The following MFSD2A variants were observed in gnomAD, a reference collection of about 807,000 sequenced individuals.
MFSD2A encodes the protein sodium-dependent lysophosphatidylcholine symporter 1.
Under a neutral mutation model 64.7 loss-of-function variants are expected in MFSD2A, and 27 were observed. The ratio of observed to expected loss-of-function variants is 0.42; its 90% CI spans 0.31 to 0.58. The LOEUF is 0.58. MFSD2A is among the 20% of genes least tolerant of loss of function. MFSD2A has a pLI of 0.18. For synonymous variants in MFSD2A, 258 were observed against 273.4 expected, an observed-to-expected ratio of 0.94 and a Z score of 0.55; for missense variants, 474 against 679.5, an observed-to-expected ratio of 0.70 and a Z score of 3.36.
rs1177715402 is a variant in MFSD2A, at chr1:39,963,683, C to CT, written c.354-1522dup. On this transcript the variant is annotated intron_variant, in intron 3 of 13. Transcript: ENST00000372811. The surrounding 1 kb of genome is among the most constrained non-coding windows in gnomAD (Gnocchi z 4.2). ...CAAACCTGTCGGTTCTCTAATATTTCTTTTTTGGGCAGTGCAGTTTTAACA... is the reference window on the plus strand; with the variant it reads ...CAAACCTGTCGGTTCTCTAATATTTCTTTTTTTGGGCAGTGCAGTTTTAACA... Among the ~76,000 whole-genome samples, 3 of 152,120 alleles carry CT rather than the reference C, an allele frequency of 2.0e-5. No homozygotes were observed. The highest frequency in any genetic ancestry group is 7.2e-5 in the African/African-American group (3 of 41,512).
Position 39,969,661 on chromosome 1 carries a change from C to A in MFSD2A, c.*93C>A. The A allele has an allele frequency of 8.0e-7, 1 of 1,245,622 alleles. No individual in the cohort carries two copies. The highest frequency in any genetic ancestry group is 1.5e-5 in the African/African-American group (1 of 65,616). The allele number at this position is 1,245,622 out of a possible 1,614,324, so 77.2% of individuals were successfully genotyped here. A position where few individuals can be genotyped will look rare whatever the true frequency, so the allele number is the denominator to read the frequency against. On this transcript the variant is annotated 3_prime_UTR_variant, in exon 14 of 14. Coordinates refer to ENST00000372811, the MANE Select transcript of MFSD2A (RefSeq NM_032793.5). ...TTGCTGAGCAGCTGGACTGCAGGTG[C>A]TAGGAAGGGAACTGAAGACTCAAGG...
At chr1:39,967,771 A>G (rs1645194942) in intron 10 of MFSD2A, 33 bp from the exon 11 acceptor site, 2 of 1,610,140 alleles carry the variant, frequency 1.2e-6, no homozygotes, top group African/African-American at 1.3e-5. Context: ...GGAACCTCCC[A>G]GCTGATTCAT....
chr1:39,958,611 A>G lies in MFSD2A; in HGVS notation c.229-90A>G. ...TCAGGGTCACAAGATCCTGGCTGAG[A>G]TAGGGAGGGAGCCTCTGCTTCTGCC... On this transcript the variant is annotated intron_variant, in intron 2 of 13. Coordinates refer to ENST00000372811, the MANE Select transcript of MFSD2A (RefSeq NM_032793.5). The surrounding 1 kb of genome is among the most constrained non-coding windows in gnomAD (Gnocchi z 4.7). 2 of 1,609,796 alleles carry G rather than the reference A, an allele frequency of 1.2e-6. No individual in the cohort carries two copies. Among genetic ancestry groups the G allele is most frequent in the Non-Finnish European group, 1.7e-6 (2 of 1,176,454 alleles).
In MFSD2A at chr1:39,965,590, C is replaced by A. The variant is rs112608399; in HGVS notation, c.556+41C>A. The A allele has an allele frequency of 3.0e-3, 4,808 of 1,591,464 alleles. 108 individuals carry two copies. In the African/African-American group the frequency reaches 0.055, roughly 18 times the overall value. The stretch of plus-strand genomic sequence containing the variant: ...CCACCTGACCCCACCCTCCAGGGAC[C>A]CTCCAGCCATACTTCTTCCCTTGCG... On this transcript the variant is annotated intron_variant, in intron 5 of 13. Coordinates refer to ENST00000372811, the MANE Select transcript of MFSD2A (RefSeq NM_032793.5). This position sits in a 1 kb window ranked among gnomAD's most constrained non-coding sequence, Gnocchi z 5.5.
chr1:39,968,902 CTTACCT>C lies in MFSD2A; in HGVS notation c.1529+161_1529+166del. ...CGCACCAGGCACTGTGTTAAGTGGT[CTTACCT>C]TTATTCAACAAATACATACTGGCTG... On this transcript the variant is annotated intron_variant, in intron 13 of 13. Coordinates refer to ENST00000372811, the MANE Select transcript of MFSD2A (RefSeq NM_032793.5). This position sits in a 1 kb window ranked among gnomAD's most constrained non-coding sequence, Gnocchi z 4.4. Among the ~76,000 whole-genome samples the C allele has an allele frequency of 6.6e-6, 1 of 152,182 alleles. No individual in the cohort carries two copies. The highest frequency in any genetic ancestry group is 1.5e-5 in the Non-Finnish European group (1 of 68,030).
chr1:39,966,594 C>T lies in MFSD2A; in HGVS notation c.715-7C>T. The T allele has an allele frequency of 6.2e-7, 1 of 1,608,992 alleles. No individual in the cohort carries two copies. Among genetic ancestry groups the T allele is most frequent in the African/African-American group, 1.3e-5 (1 of 74,938 alleles). On this transcript the variant is annotated splice_region_variant and splice_polypyrimidine_tract_variant and intron_variant, in intron 6 of 13. Transcript: ENST00000372811. ...CATCCTTGTATGTCGCCTTCACCTC[C>T]TTATAGCAAAAGGCATACCTGCTGG...
chr1:39,965,271 C>T lies in MFSD2A; in HGVS notation c.414C>T (p.Asp138=), dbSNP rs759742257. ...ACTTCCTCATCTGGTTCGTGCCCGA[C>T]TTCCCACACGGCCAGACCTATTGGT... The part of the protein sequence containing the change: ...IAYFLIWFVP[D]FPHGQTYWYL... The change falls in exon 4 of 14, where the codon GAC becomes GAT. Residue 138 remains aspartate, a synonymous_variant. Transcript: ENST00000372811. This position sits in a 1 kb window ranked among gnomAD's most constrained non-coding sequence, Gnocchi z 5.5. The T allele has an allele frequency of 1.2e-6, 2 of 1,614,174 alleles. No individual in the cohort carries two copies. The highest frequency in any genetic ancestry group is 4.5e-5 in the East Asian group (2 of 44,880).
intron 6 of MFSD2A, 148 bp downstream of exon 6, chr1:39,966,162 T>G (rs1453442865): frequency 8.3e-6 from 8 of 959,014 alleles, no homozygotes; most frequent in Middle Eastern, 3.2e-4. Context: ...ATATACCTAC[T>G]TTGCAGAAAA....
At chr1:39,966,508 T>C (rs1000494353) in intron 6 of MFSD2A, 93 bp from the exon 7 acceptor site, 1 of 1,006,330 alleles carries the variant, frequency 9.9e-7, no homozygotes, top group African/African-American at 1.6e-5. Flanking sequence ...GGGAGGGGAC[T>C]GGCCCAAGAT....
At position 39,958,669 on chromosome 1, in the gene MFSD2A, A is replaced by T. The variant is rs1291078799; in HGVS notation, c.229-32A>T. 6.2e-7 allele frequency: 1 copy of T among 1,614,098 alleles called. No homozygotes were observed. Among genetic ancestry groups the T allele is most frequent in the Non-Finnish European group, 8.5e-7 (1 of 1,180,008 alleles). ...GAGAGTTGAGGCGAGTAGAAGGATG[A>T]GGAAGTTGTCTTTTGCTTCTCCTCA... is the stretch of plus-strand genomic sequence containing the variant. On this transcript the variant is annotated intron_variant, in intron 2 of 13. Coordinates refer to ENST00000372811, the MANE Select transcript of MFSD2A (RefSeq NM_032793.5). The surrounding 1 kb of genome is among the most constrained non-coding windows in gnomAD (Gnocchi z 4.7).
At chr1:39,957,313 T>A in intron 2 of MFSD2A, 92 bp downstream of exon 2, 1 of 1,326,814 alleles carries the variant, frequency 7.5e-7, no homozygotes, top group Non-Finnish European at 1.0e-6. Flanking sequence ...TTTCCCCATC[T>A]GTGAAATGGG....
Position 39,965,779 on chromosome 1 carries a change from G to T in MFSD2A, c.557-78G>T. The stretch of plus-strand genomic sequence containing the variant: ...CCACCCTGCCTGGAGCTACCGCTGG[G>T]CTCCCACCCATTTGACCTTCCTCCC... On this transcript the variant is annotated intron_variant, in intron 5 of 13. Coordinates refer to ENST00000372811, the MANE Select transcript of MFSD2A (RefSeq NM_032793.5). The surrounding 1 kb of genome is among the most constrained non-coding windows in gnomAD (Gnocchi z 5.5). 1 of 1,576,904 alleles carries T rather than the reference G, an allele frequency of 6.3e-7. No individual in the cohort carries two copies. Among genetic ancestry groups the T allele is most frequent in the Non-Finnish European group, 8.7e-7 (1 of 1,154,972 alleles).
chr1:39,965,808 GCC>G lies in MFSD2A; in HGVS notation c.557-47_557-46del. The stretch of plus-strand genomic sequence containing the variant: ...CCACCCATTTGACCTTCCTCCCTGG[GCC>G]CACAATCCATGAGGCCCCTCCAAAA... On this transcript the variant is annotated intron_variant, in intron 5 of 13. Transcript: ENST00000372811. This position sits in a 1 kb window ranked among gnomAD's most constrained non-coding sequence, Gnocchi z 5.5. 6.2e-7 allele frequency: 1 copy of G among 1,606,676 alleles called. No individual in the cohort carries two copies. Among genetic ancestry groups the G allele is most frequent in the South Asian group, 1.1e-5 (1 of 90,574 alleles).
In MFSD2A at chr1:39,968,765, G is replaced by A. The variant is rs1553156082; in HGVS notation, c.1529+20G>A. ...ACTGAGGTGAGTGGGGAGGGGACAG[G>A]ATGCTGGAGGAGGGGACGTCACTGT... is the stretch of plus-strand genomic sequence containing the variant. On this transcript the variant is annotated intron_variant, in intron 13 of 13. Coordinates refer to ENST00000372811, the MANE Select transcript of MFSD2A (RefSeq NM_032793.5). The surrounding 1 kb of genome is among the most constrained non-coding windows in gnomAD (Gnocchi z 4.4). 3.1e-6 allele frequency: 5 copies of A among 1,613,232 alleles called. No individual in the cohort carries two copies. In the South Asian group the frequency reaches 3.3e-5, roughly 11 times the overall value.
chr1:39,956,864 C>T (rs1255842866), intron 1 of MFSD2A, among the ~76,000 whole-genome samples: 4 of 134,122 alleles, frequency 3.0e-5, no homozygotes, highest in African/African-American at 1.1e-4. Context: ...TGCAGTGAGC[C>T]GAGATGGCAC....
At chr1:39,961,817 A>G (rs1345066947) in intron 3 of MFSD2A, among the ~76,000 whole-genome samples, 3 of 152,184 alleles carry the variant, frequency 2.0e-5, no homozygotes, top group South Asian at 2.1e-4. Context: ...TGGCCAAACC[A>G]GAAAGACTTT....
Position 39,968,740 on chromosome 1 carries a change from A to C in MFSD2A, c.1524A>C (p.Ala508=). The change falls in exon 13 of 14, where the codon GCA becomes GCC. Residue 508 remains alanine, a synonymous_variant. Coordinates refer to ENST00000372811, the MANE Select transcript of MFSD2A (RefSeq NM_032793.5). The surrounding 1 kb of genome is among the most constrained non-coding windows in gnomAD (Gnocchi z 4.4). ...GGCAGAATAAGAAGGCCCTGCAGGC[A>C]CTGAGGTGAGTGGGGAGGGGACAGG... is the stretch of plus-strand genomic sequence containing the variant. The part of the protein sequence containing the change: ...RRRQNKKALQ[A]LRDEASSSGC... The C allele has an allele frequency of 6.2e-7, 1 of 1,613,876 alleles. No homozygotes were observed. Among genetic ancestry groups the C allele is most frequent in the Non-Finnish European group, 8.5e-7 (1 of 1,179,954 alleles).
chr1:39,968,402 T>C lies in MFSD2A; in HGVS notation c.1277T>C (p.Ile426Thr). Residue 426 changes from isoleucine (I) to threonine (T), a missense_variant, in exon 12 of 14, where the codon ATC (isoleucine) becomes ACC (threonine). Physicochemically the swap from Ile to Thr is moderately conservative, Grantham distance 89. Coordinates refer to ENST00000372811, the MANE Select transcript of MFSD2A (RefSeq NM_032793.5). This position sits in a 1 kb window ranked among gnomAD's most constrained non-coding sequence, Gnocchi z 4.4. The part of the protein sequence containing the change: ...KQPHFHGTEP[I>T]FFSFYVFFTK... The stretch of plus-strand genomic sequence containing the variant: ...CCCCACTTCCATGGAACCGAGCCCA[T>C]CTTCTTCTCCTTCTATGTCTTCTTC... 6.2e-7 allele frequency: 1 copy of C among 1,613,952 alleles called. No homozygotes were observed. The highest frequency in any genetic ancestry group is 8.5e-7 in the Non-Finnish European group (1 of 1,179,956).
Position 39,966,664 on chromosome 1 carries a change from C to T in MFSD2A, c.778C>T (p.Leu260=), listed in dbSNP as rs765381653. The part of the protein sequence containing the change: ...VCIYIICAVI[L]ILGVREQREP... ...TATCTATATAATCTGTGCTGTCATCCTGATCCTGGGCGTGCGGGAGCAGAG... is the reference window on the plus strand; with the variant it reads ...TATCTATATAATCTGTGCTGTCATCTTGATCCTGGGCGTGCGGGAGCAGAG... The change falls in exon 7 of 14, where the codon CTG becomes TTG. Residue 260 remains leucine (L), a synonymous_variant. Coordinates refer to ENST00000372811, the MANE Select transcript of MFSD2A (RefSeq NM_032793.5). The T allele has an allele frequency of 6.2e-7, 1 of 1,614,064 alleles. No individual in the cohort carries two copies. The highest frequency in any genetic ancestry group is 1.3e-5 in the African/African-American group (1 of 75,040).
Sources: gnomAD v4.1 joint callset for allele counts (sites outside exome capture counted in the v4.1 genomes callset) on GRCh38, gnomAD v4.1.1 for gene constraint, Gnocchi (gnomAD v3.1) non-coding constraint, MANE v1.5 for transcripts, NCBI Gene and HGNC (gene_info 2026-07-23, HGNC 2026-07-21) for gene names.